MPRIP: variants seen among roughly 807,000 people sequenced by gnomAD.
The protein encoded by MPRIP is myosin phosphatase Rho-interacting protein.
In MPRIP, 59 loss-of-function variants were observed where a neutral mutation model predicts 234.9. That is an observed-to-expected ratio of 0.25 (90% CI 0.20 to 0.31). MPRIP has a LOEUF of 0.31. MPRIP is among the 10% of genes least tolerant of loss of function. The pLI is 1.00. For missense variants in MPRIP, 2,436 were observed against 3,071.0 expected (o/e 0.79, Z 4.89); for synonymous variants, 1,144 against 1,263.9 (o/e 0.91, Z 2.01).
intron 1 of MPRIP, among the ~76,000 whole-genome samples, chr17:17,062,936 AC>A (rs909353868): frequency 6.6e-6 from 1 of 152,144 alleles, no homozygotes; most frequent in Non-Finnish European, 1.5e-5. Flanking sequence ...CTTTGTCCAC[AC>A]CCTGTCTCTT....
chr17:17,086,479 G>A (rs1458774375), intron 3 of MPRIP, among the ~76,000 whole-genome samples: 6 of 152,222 alleles, frequency 3.9e-5, no homozygotes, highest in Admixed American at 6.5e-5. Context: ...AACCAGTGCG[G>A]TGGAGTCTGT....
chr17:17,168,637 CCCCA>C lies in MPRIP; in HGVS notation c.6324+726_6324+729del, dbSNP rs2046060279. On this transcript the variant is annotated intron_variant, in intron 16 of 23. Coordinates refer to ENST00000651222, the MANE Select transcript of MPRIP (RefSeq NM_001364716.4). ...GCTGAGTGGAGGCCCAGCTGTCTGG[CCCCA>C]CCCTTTGTAGCTGCAGGCCACACCC... The C allele has an allele frequency of 2.8e-5, 10 of 352,352 alleles. 1 individual carries two copies. The highest frequency in any genetic ancestry group is 2.1e-4 in the South Asian group (10 of 47,576). The allele number at this position is 352,352 out of a possible 1,614,324, so 21.8% of individuals were successfully genotyped here. A position where few individuals can be genotyped will look rare whatever the true frequency, so the allele number is the denominator to read the frequency against.
intron 3 of MPRIP, among the ~76,000 whole-genome samples, chr17:17,113,876 T>C: frequency 7.6e-6 from 1 of 131,352 alleles, no homozygotes; most frequent in African/African-American, 3.6e-5. Flanking sequence ...TTTTCTTTTC[T>C]TTTCTTTTCT....
intron 11 of MPRIP, among the ~76,000 whole-genome samples, chr17:17,149,125 A>G (rs925119373): frequency 1.3e-5 from 2 of 152,250 alleles, no homozygotes; most frequent in Non-Finnish European, 2.9e-5. Context: ...TTCAGATACC[A>G]CATTGCAGTT....
intron 3 of MPRIP, among the ~76,000 whole-genome samples, chr17:17,115,479 G>T (rs2090266260): frequency 6.6e-6 from 1 of 152,252 alleles, no homozygotes; most frequent in Non-Finnish European, 1.5e-5. Context: ...ATGAAGGCCT[G>T]TTGGAAGGCC....
At chr17:17,073,262 G>C (rs1394301343) in intron 1 of MPRIP, among the ~76,000 whole-genome samples, 1 of 152,164 alleles carries the variant, frequency 6.6e-6, no homozygotes, top group Non-Finnish European at 1.5e-5. Context: ...ACCTGCATCA[G>C]TCCCCTCTGT....
intron 3 of MPRIP, among the ~76,000 whole-genome samples, chr17:17,117,554 G>A (rs1340233387): frequency 6.6e-6 from 1 of 152,192 alleles, no homozygotes; most frequent in East Asian, 1.9e-4. Context: ...TTCTTTTTAT[G>A]GCTGAATAAA....
At chr17:17,094,559 T>A (rs896797411) in intron 3 of MPRIP, among the ~76,000 whole-genome samples, 1 of 152,028 alleles carries the variant, frequency 6.6e-6, no homozygotes, top group African/African-American at 2.4e-5. Flanking sequence ...GAGTGTGTCT[T>A]ATATTTTCTT....
intron 20 of MPRIP, 41 bp downstream of exon 20, chr17:17,175,453 C>T (rs2046235001): frequency 2.6e-6 from 4 of 1,540,982 alleles, no homozygotes; most frequent in Non-Finnish European, 3.5e-6. Flanking sequence ...CAGCTCTGCA[C>T]CCAGGAACCC....
intron 22 of MPRIP, 111 bp downstream of exon 22, chr17:17,177,523 T>A: frequency 8.3e-7 from 1 of 1,198,834 alleles, no homozygotes; most frequent in Non-Finnish European, 1.2e-6. Flanking sequence ...GTGATGCTTG[T>A]AGACCCAGGC....
At chr17:17,068,662 C>G (rs1377969213) in intron 1 of MPRIP, among the ~76,000 whole-genome samples, 1 of 151,996 alleles carries the variant, frequency 6.6e-6, no homozygotes, top group African/African-American at 2.4e-5. Flanking sequence ...TCCTGAGTAG[C>G]TGGGACTACA....
chr17:17,143,590 C>G lies in MPRIP; in HGVS notation c.1424C>G (p.Pro475Arg). 6.2e-7 allele frequency: 1 copy of G among 1,603,966 alleles called. No homozygotes were observed. The highest frequency in any genetic ancestry group is 1.1e-5 in the South Asian group (1 of 88,576). ...FTNEAPPAPL[P>R]DASASPLSPH... ...AATGAAGCCCCCCCAGCTCCTCTCC[C>G]AGACGCCTCGGCTTCCCCCCTGTCT... Residue 475 changes from proline (P) to arginine (R), a missense_variant, in exon 9 of 24, where the codon CCA becomes CGA. Physicochemically the swap from Pro to Arg is moderately radical, Grantham distance 103. Around this residue, in one of 4 missense-constraint regions of MPRIP, gnomAD observed 267 missense variants for 252.7 expected, o/e 1.06. Coordinates refer to ENST00000651222, the MANE Select transcript of MPRIP (RefSeq NM_001364716.4).
At chr17:17,084,351 AGGTGGCACTTGGCT>A (rs1240359955) in intron 3 of MPRIP, among the ~76,000 whole-genome samples, 1 of 152,206 alleles carries the variant, frequency 6.6e-6, no homozygotes. Context: ...GGGAGGAGAC[AGGTGGCACTTGGCT>A]GCCTTTTCGC....
intron 3 of MPRIP, among the ~76,000 whole-genome samples, chr17:17,117,544 T>C (rs370709997): frequency 4.3e-4 from 66 of 152,386 alleles, no homozygotes; most frequent in African/African-American, 1.5e-3. Flanking sequence ...CAGGATTTCA[T>C]TCTTTTTATG....
At chr17:17,160,717 T>C (rs1050309536) in intron 14 of MPRIP, among the ~76,000 whole-genome samples, 1 of 152,194 alleles carries the variant, frequency 6.6e-6, no homozygotes, top group South Asian at 2.1e-4. Flanking sequence ...TGGTTTCAGT[T>C]GAGACCATAG....
At chr17:17,155,949 T>A (rs115728251) in intron 13 of MPRIP, among the ~76,000 whole-genome samples, 3,452 of 152,322 alleles carry the variant, frequency 0.023, 102 homozygotes, top group Middle Eastern at 0.079. Flanking sequence ...TCCAAGCACC[T>A]TTAGGAAGCC....
intron 13 of MPRIP, among the ~76,000 whole-genome samples, chr17:17,157,874 AT>A (rs1184670190): frequency 6.6e-6 from 1 of 151,686 alleles, no homozygotes; most frequent in Non-Finnish European, 1.5e-5. Context: ...TTACCTGCTT[AT>A]TAAAAGGTAA....
intron 1 of MPRIP, among the ~76,000 whole-genome samples, chr17:17,053,999 C>T (rs189560217): frequency 3.2e-4 from 49 of 152,268 alleles, no homozygotes; most frequent in Non-Finnish European, 5.1e-4. Context: ...TTATCATAAG[C>T]TAATTGATAT....
chr17:17,116,741 G>A (rs976863214), intron 3 of MPRIP, among the ~76,000 whole-genome samples: 1 of 152,248 alleles, frequency 6.6e-6, no homozygotes, highest in African/African-American at 2.4e-5. Flanking sequence ...CTGGGGAGAG[G>A]GGTCAGAAAT....
Sources: allele counts gnomAD v4.1 joint callset (sites outside exome capture counted in the v4.1 genomes callset), GRCh38; gene constraint gnomAD v4.1.1; regional missense constraint gnomAD v4.1.1; transcripts MANE v1.5; gene names NCBI Gene and HGNC (gene_info 2026-07-23, HGNC 2026-07-21).